The following FAM151A variants were observed in gnomAD, a reference collection of about 807,000 sequenced individuals.
FAM151A encodes protein FAM151A.
In FAM151A, 41 loss-of-function variants were observed where a neutral mutation model predicts 40.4. That is an observed-to-expected ratio of 1.01 (90% CI 0.79 to 1.32). The LOEUF is 1.32. FAM151A is among the 40% of genes most tolerant of loss of function. FAM151A has a pLI of 0.00. For synonymous variants in FAM151A, 337 were observed against 312.5 expected (o/e 1.08, Z -0.83); for missense variants, 740 against 740.4 (o/e 1.00, Z 0.01).
intron 1 of FAM151A, 21 bp from the exon 2 acceptor site, chr1:54,620,028 C>G: frequency 1.2e-6 from 2 of 1,611,770 alleles, no homozygotes; most frequent in Non-Finnish European, 1.7e-6. Flanking sequence ...TCCCAAGGGG[C>G]TGTTAGCGTC....
chr1:54,623,381 C>T lies in FAM151A; in HGVS notation c.15G>A (p.Glu5=), dbSNP rs1644250296. 2.5e-6 allele frequency: 4 copies of T among 1,613,694 alleles called. No homozygotes were observed. Among genetic ancestry groups the T allele is most frequent in the African/African-American group, 1.3e-5 (1 of 74,894 alleles). MVCR[E]QLSKNQVKWV... ...ACTTGACCTGATTCTTTGATAACTG[C>T]TCCCTGCAGACCATGGCGACGCTCT... The change falls in exon 1 of 8, where the codon GAG becomes GAA. Residue 5 remains glutamate, a synonymous_variant. Transcript: ENST00000302250.
chr1:54,622,909 T>C (rs1644244332), intron 1 of FAM151A, among the ~76,000 whole-genome samples: 1 of 151,768 alleles, frequency 6.6e-6, no homozygotes, highest in Non-Finnish European at 1.5e-5. Context: ...GCATGATGAC[T>C]CACACCTGTA....
In FAM151A at chr1:54,611,616, C is replaced by G; in HGVS notation, c.930G>C (p.Lys310Asn). 6.2e-7 allele frequency: 1 copy of G among 1,613,994 alleles called. No individual in the cohort carries two copies. The highest frequency in any genetic ancestry group is 8.5e-7 in the Non-Finnish European group (1 of 1,179,954). The change falls in exon 6 of 8, where the codon AAG (lysine) becomes AAC (asparagine). Residue 310 changes from lysine to asparagine, a missense_variant. By Grantham distance (94) the Lys-to-Asn change is moderately conservative. Coordinates refer to ENST00000302250, the MANE Select transcript of FAM151A (RefSeq NM_176782.3). ...AATTCCTCTCCTTACAGGCCAGCTGCTTGAACTGTGACAGGAGAGGCTCAA... is the reference window on the plus strand; with the variant it reads ...AATTCCTCTCCTTACAGGCCAGCTGGTTGAACTGTGACAGGAGAGGCTCAA... ...DIFEPLLSQF[K>N]QLALNATRKP...
At chr1:54,611,384 A>C (rs1644116459) in intron 6 of FAM151A, among the ~76,000 whole-genome samples, 2 of 149,626 alleles carry the variant, frequency 1.3e-5, no homozygotes. Flanking sequence ...TGGGTGACAG[A>C]GTCAGACTAC....
chr1:54,617,190 T>TAGGG (rs1364219000), intron 2 of FAM151A, among the ~76,000 whole-genome samples: 2 of 152,118 alleles, frequency 1.3e-5, no homozygotes, highest in Non-Finnish European at 2.9e-5. Context: ...TTCAGTCTAG[T>TAGGG]AGGGAGCTCA....
intron 4 of FAM151A, among the ~76,000 whole-genome samples, chr1:54,613,027 G>C (rs1419036475): frequency 6.6e-6 from 1 of 151,766 alleles, no homozygotes; most frequent in Admixed American, 6.6e-5. Flanking sequence ...AGCCCCCAGC[G>C]TGTGGGAATC....
intron 5 of FAM151A, 99 bp downstream of exon 5, chr1:54,612,387 C>G: frequency 1.2e-6 from 1 of 838,488 alleles, no homozygotes; most frequent in Non-Finnish European, 1.9e-6. Flanking sequence ...AGGGGTTGGA[C>G]GAAATGACCT....
intron 1 of FAM151A, 102 bp downstream of exon 1, chr1:54,623,176 T>C: frequency 1.5e-6 from 1 of 656,844 alleles, no homozygotes; most frequent in Non-Finnish European, 2.5e-6. Context: ...AAACTCCGTC[T>C]AAAAAAAAAA....
intron 4 of FAM151A, 135 bp downstream of exon 4, chr1:54,614,565 G>A: frequency 1.2e-6 from 1 of 848,016 alleles, no homozygotes; most frequent in South Asian, 2.2e-5. Flanking sequence ...GGAACAGCAT[G>A]TGCAAAGGCT....
chr1:54,614,699 C>T lies in FAM151A; in HGVS notation c.575+1G>A, dbSNP rs980111919. 1 of 1,610,404 alleles carries T rather than the reference C, an allele frequency of 6.2e-7. No homozygotes were observed. Among genetic ancestry groups the T allele is most frequent in the Admixed American group, 1.7e-5 (1 of 59,830 alleles). The stretch of plus-strand genomic sequence containing the variant: ...GCTGGGACAGAGAGGCGAACACTCA[C>T]TGTGTGGCATTGACCTCAGTTGAGA... On this transcript the variant is annotated splice_donor_variant, in intron 4 of 7. Transcript: ENST00000302250. LOFTEE classifies it high-confidence loss of function.
chr1:54,623,049 G>GCACA, intron 1 of FAM151A, among the ~76,000 whole-genome samples: 4 of 151,886 alleles, frequency 2.6e-5, no homozygotes, highest in Admixed American at 2.6e-4. Flanking sequence ...GGTGGCGGGT[G>GCACA]CCTGTAATCC....
chr1:54,623,231 G>T, intron 1 of FAM151A, 47 bp downstream of exon 1: 2 of 1,253,896 alleles, frequency 1.6e-6, no homozygotes, highest in Non-Finnish European at 1.2e-6. Flanking sequence ...GATAAGGAGC[G>T]AGCGATGAGG....
rs759778699 is a variant in FAM151A, at chr1:54,609,893, G to A, written c.1133C>T (p.Ala378Val). ...LLNTGLEGTVAENPVPIVHTP... is the reference protein window; with the variant it reads ...LLNTGLEGTVVENPVPIVHTP... ...ATGAACAATGGGCACGGGGTTTTCA[G>A]CCACAGTTCCCTCGAGGCCAGTGTT... The change falls in exon 8 of 8, where the codon GCT (alanine) becomes GTT (valine). Residue 378 changes from alanine to valine, a missense_variant. Ala to Val is a moderately conservative substitution (Grantham distance 64, BLOSUM62 0). Transcript: ENST00000302250. 5 of 1,612,274 alleles carry A rather than the reference G, an allele frequency of 3.1e-6. No homozygotes were observed. Among genetic ancestry groups the A allele is most frequent in the Non-Finnish European group, 4.2e-6 (5 of 1,179,962 alleles).
In FAM151A at chr1:54,614,792, T is replaced by C. The variant is rs137985840; in HGVS notation, c.483A>G (p.Thr161=). The C allele has an allele frequency of 1.1e-4, 183 of 1,614,042 alleles. No individual in the cohort carries two copies. The highest frequency in any genetic ancestry group is 3.8e-4 in the Admixed American group (23 of 59,996). Residue 161 remains threonine, a synonymous_variant, in exon 4 of 8, where the codon ACA becomes ACG. Coordinates refer to ENST00000302250, the MANE Select transcript of FAM151A (RefSeq NM_176782.3). ...GPSLDLLRQL[T]EEGKVRRPIW... is the part of the protein sequence containing the mutation. ...TGGGCCGCCGGACTTTGCCTTCCTC[T>C]GTCAGCTGCCGCAGGAGGTCCAGGG...
rs908542717 is a variant in FAM151A at position 54,609,468 on chromosome 1, T to C, written c.1558A>G (p.Ser520Gly). 6.2e-7 allele frequency: 1 copy of C among 1,613,632 alleles called. No individual in the cohort carries two copies. The highest frequency in any genetic ancestry group is 1.3e-5 in the African/African-American group (1 of 75,010). ...AGCCTGCCTATGGCTCCAGCTGTGC[T>C]GTGGCCCAGCAGCATGGCCTGCATC... ...FQMQAMLLGH[S>G]TAGAIGRLLA... The change falls in exon 8 of 8, where the codon AGC (serine) becomes GGC (glycine). Residue 520 changes from serine (S) to glycine (G), a missense_variant. Coordinates refer to ENST00000302250, the MANE Select transcript of FAM151A (RefSeq NM_176782.3).
Position 54,612,668 on chromosome 1 carries a change from T to C in FAM151A, c.618A>G (p.Leu206=), listed in dbSNP as rs41297141. 2,850 of 1,614,000 alleles carry C rather than the reference T, an allele frequency of 1.8e-3. 8 individuals carry two copies. Among genetic ancestry groups the C allele is most frequent in the Non-Finnish European group, 2.0e-3 (2,415 of 1,180,000 alleles). The change falls in exon 5 of 8, where the codon CTA becomes CTG. Residue 206 remains leucine (L), a synonymous_variant. Coordinates refer to ENST00000302250, the MANE Select transcript of FAM151A (RefSeq NM_176782.3). Reference sequence around the variant, plus strand: ...TGTAGAAGGTGGTCCAGCCTGGAGATAGGGTAGCCTTGGGATACTTCTCCT... The same window carrying C: ...TGTAGAAGGTGGTCCAGCCTGGAGACAGGGTAGCCTTGGGATACTTCTCCT... ...LVQEKYPKAT[L]SPGWTTFYMS...
intron 3 of FAM151A, among the ~76,000 whole-genome samples, chr1:54,615,744 A>G (rs1475815167): frequency 1.3e-5 from 2 of 152,058 alleles, no homozygotes; most frequent in Admixed American, 6.6e-5. Context: ...TACAGGAGGG[A>G]GCACTCTGAG....
intron 2 of FAM151A, among the ~76,000 whole-genome samples, chr1:54,618,045 A>G (rs1465309940): frequency 6.6e-6 from 1 of 151,554 alleles, no homozygotes; most frequent in East Asian, 1.9e-4. Context: ...TGCATTTTTA[A>G]CACACTCCCC....
chr1:54,611,756 G>A lies in FAM151A; in HGVS notation c.801-11C>T, dbSNP rs1046285494. ...AGCGTCAGGCTGTACCTGGGGACAC[G>A]AGAGCTGGCTCAGTGCCTGTCTGGG... is the stretch of plus-strand genomic sequence containing the variant. On this transcript the variant is annotated splice_polypyrimidine_tract_variant and intron_variant, in intron 5 of 7. Transcript: ENST00000302250. 5 of 1,613,832 alleles carry A rather than the reference G, an allele frequency of 3.1e-6. No homozygotes were observed. Among genetic ancestry groups the A allele is most frequent in the Non-Finnish European group, 4.2e-6 (5 of 1,179,864 alleles).
Sources: gnomAD v4.1 joint callset for allele counts (sites outside exome capture counted in the v4.1 genomes callset) on GRCh38, gnomAD v4.1.1 for gene constraint, MANE v1.5 for transcripts, NCBI Gene and HGNC (gene_info 2026-07-23, HGNC 2026-07-21) for gene names.